Variants in CENPP observed in about 807,000 individuals in gnomAD.
CENPP encodes centromere protein P.
CENPP carries 24 observed loss-of-function variants against 35.6 expected under a neutral mutation model. That is an observed-to-expected ratio of 0.67 (90% CI 0.49 to 0.95). The LOEUF (loss-of-function observed/expected upper bound fraction) is 0.95. Among genes scored for constraint, CENPP ranks in the 40% least tolerant of loss-of-function variants. The pLI is 0.00. For synonymous variants in CENPP, 120 were observed against 125.5 expected, an observed-to-expected ratio of 0.96 and a Z score of 0.29; for missense variants, 332 against 345.3, an observed-to-expected ratio of 0.96 and a Z score of 0.31.
At chr9:92,371,227 C>T (rs566292195) in intron 4 of CENPP, among the ~76,000 whole-genome samples, 1 of 152,124 alleles carries the variant, frequency 6.6e-6, no homozygotes, top group Admixed American at 6.5e-5. Context: ...AACTTTTTAC[C>T]TTCTGGATGT....
intron 4 of CENPP, among the ~76,000 whole-genome samples, chr9:92,348,569 T>A (rs778970339): frequency 5.9e-5 from 9 of 152,084 alleles, no homozygotes; most frequent in Non-Finnish European, 1.3e-4. Flanking sequence ...ATTTTGTATT[T>A]TTAGTAGAGA....
intron 5 of CENPP, among the ~76,000 whole-genome samples, chr9:92,510,838 T>C (rs1337140051): frequency 6.6e-6 from 1 of 152,224 alleles, no homozygotes; most frequent in Non-Finnish European, 1.5e-5. Flanking sequence ...CTAGCCATTT[T>C]CTAGAAGAAG....
At chr9:92,459,935 T>C (rs1048708924) in intron 5 of CENPP, among the ~76,000 whole-genome samples, 1 of 152,206 alleles carries the variant, frequency 6.6e-6, no homozygotes, top group Non-Finnish European at 1.5e-5. Context: ...ATGTAACAAC[T>C]ATCTTCCAGT....
intron 4 of CENPP, among the ~76,000 whole-genome samples, chr9:92,352,277 C>T (rs925376482): frequency 2.4e-4 from 36 of 149,046 alleles, no homozygotes; most frequent in Non-Finnish European, 4.0e-4. Context: ...GGCTGAGGCA[C>T]GAAAATCGCT....
chr9:92,533,318 A>ATATATAT (rs1848939859), intron 5 of CENPP, among the ~76,000 whole-genome samples: 2 of 94,840 alleles, frequency 2.1e-5, no homozygotes, highest in African/African-American at 8.5e-5. Context: ...AAAAAAAAAA[A>ATATATAT]AAAAAAAAAA....
chr9:92,335,158 A>G (rs1057507497), intron 2 of CENPP, among the ~76,000 whole-genome samples: 13 of 152,232 alleles, frequency 8.5e-5, no homozygotes, highest in African/African-American at 3.1e-4. Flanking sequence ...CATCTCAAAA[A>G]TAACATAAAA....
chr9:92,371,966 A>G (rs1016644876), intron 4 of CENPP, among the ~76,000 whole-genome samples: 11 of 144,438 alleles, frequency 7.6e-5, no homozygotes, highest in African/African-American at 2.8e-4. Flanking sequence ...CCCGGGGTCA[A>G]GTGATTCTCC....
At chr9:92,401,976 C>T (rs796988292) in intron 5 of CENPP, among the ~76,000 whole-genome samples, 1 of 152,280 alleles carries the variant, frequency 6.6e-6, no homozygotes, top group African/African-American at 2.4e-5. Flanking sequence ...CTTCCTCCCT[C>T]TACTCTGTGT....
intron 5 of CENPP, among the ~76,000 whole-genome samples, chr9:92,592,096 C>T (rs909354631): frequency 6.6e-6 from 1 of 151,570 alleles, no homozygotes; most frequent in African/African-American, 2.4e-5. Context: ...GACACATATA[C>T]ATGTATAAAT....
rs1467023700 is a variant in CENPP at position 92,613,362 on chromosome 9, G to A, written c.*213G>A. 1.9e-6 allele frequency: 1 copy of A among 524,616 alleles called. No individual in the cohort carries two copies. The highest frequency in any genetic ancestry group is 3.6e-5 in the East Asian group (1 of 27,810). 32.5% of individuals were successfully genotyped at this position (524,616 alleles called of 1,614,324 possible). On this transcript the variant is annotated 3_prime_UTR_variant, in exon 8 of 8. Transcript: ENST00000375587. ...GCCAAATAAAAGTGACACGTACAAT[G>A]TGGTTTATAAAAATAAGCTTAACAT...
chr9:92,391,698 CA>C (rs1842694734), intron 5 of CENPP, among the ~76,000 whole-genome samples: 2 of 152,134 alleles, frequency 1.3e-5, no homozygotes, highest in South Asian at 4.1e-4. Flanking sequence ...AGACTGTGAA[CA>C]GGGCATTTAT....
chr9:92,470,349 T>C (rs1246989057), intron 5 of CENPP, among the ~76,000 whole-genome samples: 1 of 152,250 alleles, frequency 6.6e-6, no homozygotes, highest in Non-Finnish European at 1.5e-5. Context: ...TAATGATTGC[T>C]GTAAGTAATT....
intron 5 of CENPP, among the ~76,000 whole-genome samples, chr9:92,546,827 T>G (rs2131319181): frequency 6.6e-6 from 1 of 152,284 alleles, no homozygotes; most frequent in African/African-American, 2.4e-5. Context: ...ACAAGAAGAA[T>G]CAGAAAATCT....
intron 5 of CENPP, among the ~76,000 whole-genome samples, chr9:92,391,300 G>C (rs546651732): frequency 1.3e-5 from 2 of 152,116 alleles, no homozygotes; most frequent in African/African-American, 4.8e-5. Context: ...CCAGCTACTC[G>C]GGAAGCTGAG....
At chr9:92,552,075 T>G (rs1018757274) in intron 5 of CENPP, among the ~76,000 whole-genome samples, 1 of 126,048 alleles carries the variant, frequency 7.9e-6, no homozygotes, top group Non-Finnish European at 1.6e-5. Context: ...ATATGATAGA[T>G]CTATCATATA....
chr9:92,398,350 T>C (rs973170431), intron 5 of CENPP, among the ~76,000 whole-genome samples: 7 of 152,314 alleles, frequency 4.6e-5, no homozygotes, highest in African/African-American at 1.7e-4. Context: ...TTTTTGACTA[T>C]ACGAAACAGC....
intron 3 of CENPP, among the ~76,000 whole-genome samples, chr9:92,341,167 A>G (rs1841104997): frequency 6.6e-6 from 1 of 152,096 alleles, no homozygotes. Context: ...TTCCCACCTA[A>G]TAAATTTTGT....
intron 4 of CENPP, among the ~76,000 whole-genome samples, chr9:92,355,745 TACTGTA>T (rs1207786776): frequency 6.6e-6 from 1 of 152,240 alleles, no homozygotes; most frequent in Non-Finnish European, 1.5e-5. Context: ...ATTTCATAAA[TACTGTA>T]ACTACCAAAA....
chr9:92,502,771 G>GTAAGA, intron 5 of CENPP: 1 of 781,512 alleles, frequency 1.3e-6, no homozygotes, highest in Non-Finnish European at 1.8e-6. Flanking sequence ...GAGTCTTACT[G>GTAAGA]CTCTTTCAAG....
Sources: gnomAD v4.1 joint callset for allele counts (sites outside exome capture counted in the v4.1 genomes callset) on GRCh38, gnomAD v4.1.1 for gene constraint, MANE v1.5 for transcripts, NCBI Gene and HGNC (gene_info 2026-07-23, HGNC 2026-07-21) for gene names.